The following MGLL variants were observed in gnomAD, a reference collection of about 807,000 sequenced individuals.
The protein encoded by MGLL is monoglyceride lipase.
Under a neutral mutation model 29.1 loss-of-function variants are expected in MGLL, and 7 were observed. The ratio of observed to expected loss-of-function variants is 0.24; its 90% confidence interval spans 0.14 to 0.45. The LOEUF is 0.45. Among genes scored for constraint, MGLL ranks in the 20% least tolerant of loss-of-function variants. The pLI, the probability that MGLL is intolerant of heterozygous loss-of-function variation, is 0.99. For missense variants in MGLL, 356 were observed against 413.6 expected, an observed-to-expected ratio of 0.86 and a Z score of 1.21; for synonymous variants, 148 against 168.3, an observed-to-expected ratio of 0.88 and a Z score of 0.93.
intron 3 of MGLL, among the ~76,000 whole-genome samples, chr3:127,750,155 C>T (rs760618421): frequency 3.4e-4 from 52 of 152,058 alleles, no homozygotes; most frequent in Non-Finnish European, 4.9e-4. Flanking sequence ...GACTAGACTG[C>T]GGGGGTGAGG....
chr3:127,725,084 C>G (rs1158521621), intron 3 of MGLL, among the ~76,000 whole-genome samples: 2 of 151,956 alleles, frequency 1.3e-5, no homozygotes, highest in Non-Finnish European at 2.9e-5. Flanking sequence ...CCTACATTCT[C>G]TCTCCAGCCC....
At chr3:127,734,423 C>A (rs369744358) in intron 3 of MGLL, among the ~76,000 whole-genome samples, 34 of 152,256 alleles carry the variant, frequency 2.2e-4, no homozygotes, top group African/African-American at 7.9e-4. Context: ...CTGCAGTGCG[C>A]CCGTGCCTTC....
intron 5 of MGLL, among the ~76,000 whole-genome samples, chr3:127,719,587 C>T (rs1010214598): frequency 9.9e-5 from 15 of 152,206 alleles, no homozygotes; most frequent in African/African-American, 2.9e-4. Flanking sequence ...TGGAACGCAG[C>T]GGGAACGCCC....
At chr3:127,788,247 A>G (rs1194186884) in intron 2 of MGLL, among the ~76,000 whole-genome samples, 2 of 152,152 alleles carry the variant, frequency 1.3e-5, no homozygotes, top group Non-Finnish European at 1.5e-5. Context: ...CCTTGGCCAG[A>G]TACAGGTCTA....
Position 127,692,246 on chromosome 3 carries a change from C to T in MGLL, c.894G>A (p.Met298Ile), listed in dbSNP as rs777222873. 2 of 1,614,106 alleles carry T rather than the reference C, an allele frequency of 1.2e-6. No individual in the cohort carries two copies. The highest frequency in any genetic ancestry group is 8.5e-7 in the Non-Finnish European group (1 of 1,179,996). The stretch of plus-strand genomic sequence containing the variant: ...CCGTGGCTGTCCTTTGAGAGACCCA[C>T]ATGTTTATTTCATGGAAGACGGAGT... ...VTNSVFHEIN[M>I]WVSQRTATAG... Residue 298 changes from methionine to isoleucine, a missense_variant, in exon 8 of 8, where the codon ATG (methionine) becomes ATA (isoleucine). Coordinates refer to ENST00000265052, the MANE Select transcript of MGLL (RefSeq NM_007283.7).
At chr3:127,710,899 G>A (rs573080559) in intron 5 of MGLL, 5 of 544,972 alleles carry the variant, frequency 9.2e-6, no homozygotes, top group Admixed American at 6.0e-5. Flanking sequence ...GGCAGCCGCT[G>A]CGCCCAAGGT....
At chr3:127,776,956 C>T (rs2077046733) in intron 3 of MGLL, among the ~76,000 whole-genome samples, 1 of 151,934 alleles carries the variant, frequency 6.6e-6, no homozygotes, top group Admixed American at 6.5e-5. Context: ...CTTTGCCTGC[C>T]TGCAGTGGCT....
At chr3:127,740,166 T>C (rs1321300964) in intron 3 of MGLL, among the ~76,000 whole-genome samples, 1 of 152,242 alleles carries the variant, frequency 6.6e-6, no homozygotes, top group Non-Finnish European at 1.5e-5. Flanking sequence ...TTTTAAAAAC[T>C]TGTGGTAAAT....
intron 2 of MGLL, among the ~76,000 whole-genome samples, chr3:127,809,940 T>A (rs1172801250): frequency 6.6e-6 from 1 of 152,140 alleles, no homozygotes; most frequent in East Asian, 1.9e-4. Flanking sequence ...GAGATCCTTG[T>A]CCAATTCTAG....
At chr3:127,736,306 C>A in intron 3 of MGLL, 1 of 985,880 alleles carries the variant, frequency 1.0e-6, no homozygotes, top group Non-Finnish European at 1.2e-6. Context: ...AGAAGTGAAA[C>A]TTTTAGAAAG....
chr3:127,696,082 G>A (rs1399612892), intron 6 of MGLL, among the ~76,000 whole-genome samples: 2 of 152,182 alleles, frequency 1.3e-5, no homozygotes, highest in African/African-American at 2.4e-5. Flanking sequence ...CTCGGCCTCC[G>A]TGCCCCTCAG....
At chr3:127,705,674 G>A (rs1420989943) in intron 6 of MGLL, among the ~76,000 whole-genome samples, 2 of 151,874 alleles carry the variant, frequency 1.3e-5, no homozygotes, top group East Asian at 3.9e-4. Context: ...TACTCAGGAG[G>A]CTGAGGCAGG....
chr3:127,801,644 A>G (rs2077481489), intron 2 of MGLL, among the ~76,000 whole-genome samples: 1 of 152,028 alleles, frequency 6.6e-6, no homozygotes, highest in Admixed American at 6.6e-5. Flanking sequence ...AAACAAAATT[A>G]AAAGGGGTGA....
intron 3 of MGLL, among the ~76,000 whole-genome samples, chr3:127,762,924 T>G (rs2076791636): frequency 6.6e-6 from 1 of 152,166 alleles, no homozygotes; most frequent in South Asian, 2.1e-4. Flanking sequence ...GGTCTGTGTT[T>G]GTGCCCTGCA....
chr3:127,750,707 G>C (rs2076542461), intron 3 of MGLL, among the ~76,000 whole-genome samples: 1 of 151,260 alleles, frequency 6.6e-6, no homozygotes. Flanking sequence ...TTGAGTGAAG[G>C]CTAATTGTTT....
chr3:127,814,077 G>C (rs566669325), intron 2 of MGLL, among the ~76,000 whole-genome samples: 24 of 150,194 alleles, frequency 1.6e-4, no homozygotes, highest in South Asian at 1.3e-3. Flanking sequence ...TCTTCAGAAT[G>C]TTGCTAGAGC....
chr3:127,696,396 C>CTTTTTT (rs545853423), intron 6 of MGLL, among the ~76,000 whole-genome samples: 1,299 of 49,414 alleles, frequency 0.026, 271 homozygotes, highest in Non-Finnish European at 0.032. Context: ...CCTGATGCTT[C>CTTTTTT]TTTTTTTTTT....
chr3:127,702,245 TCA>T (rs1332439485), intron 6 of MGLL, among the ~76,000 whole-genome samples: 1 of 152,188 alleles, frequency 6.6e-6, no homozygotes, highest in Non-Finnish European at 1.5e-5. Flanking sequence ...TCATGGGGTG[TCA>T]CAGCCTCCAG....
chr3:127,712,142 T>C (rs899692093), intron 5 of MGLL: 1 of 152,296 alleles, frequency 6.6e-6, no homozygotes, highest in African/African-American at 2.4e-5. Context: ...GGGGCCGCTT[T>C]ATCTTCTTAT....
Sources: allele counts gnomAD v4.1 joint callset (sites outside exome capture counted in the v4.1 genomes callset), GRCh38; gene constraint gnomAD v4.1.1; transcripts MANE v1.5; gene names NCBI Gene and HGNC (gene_info 2026-07-23, HGNC 2026-07-21).